DLEC1: variants seen among roughly 807,000 people sequenced by gnomAD.
DLEC1 encodes DLEC1 cilia and flagella associated protein.
A neutral mutation model predicts 198.1 loss-of-function variants in DLEC1; 146 were observed. That is an observed-to-expected ratio of 0.74 (90% CI 0.64 to 0.85). DLEC1 has a LOEUF of 0.85. DLEC1 is among the 40% of genes least tolerant of loss of function. DLEC1 has a pLI of 0.00. For synonymous variants in DLEC1, 897 were observed against 866.8 expected, an observed-to-expected ratio of 1.03 and a Z score of -0.61; for missense variants, 2,233 against 2,220.0, an observed-to-expected ratio of 1.01 and a Z score of -0.12.
intron 2 of DLEC1, among the ~76,000 whole-genome samples, chr3:38,050,993 C>A (rs1466517445): frequency 6.6e-6 from 1 of 151,828 alleles, no homozygotes; most frequent in African/African-American, 2.4e-5. Context: ...CTGCAACCTC[C>A]ACCTCCCAAG....
At chr3:38,083,325 A>G (rs1435091883) in intron 6 of DLEC1, among the ~76,000 whole-genome samples, 2 of 151,436 alleles carry the variant, frequency 1.3e-5, no homozygotes, top group Non-Finnish European at 2.9e-5. Flanking sequence ...TTGGGTGGGT[A>G]AAGGAAAATT....
rs377280950 is a variant in DLEC1 at position 38,068,933 on chromosome 3, A to T, written c.1173+5014A>T. ...CTAACCAGTAGTATGATATAACTAT[A>T]TTGGAAACATGGGGGATAGGAAGGG... is the stretch of plus-strand genomic sequence containing the variant. On this transcript the variant is annotated intron_variant, in intron 6 of 36. Coordinates refer to ENST00000308059, the MANE Select transcript of DLEC1 (RefSeq NM_007335.4). Among the ~76,000 whole-genome samples the T allele has an allele frequency of 3.9e-4, 59 of 152,346 alleles. 1 individual carries two copies. In the South Asian group the frequency reaches 0.011, roughly 28 times the overall value.
intron 7 of DLEC1, 91 bp from the exon 8 acceptor site, chr3:38,085,183 C>G (rs1369758073): frequency 2.1e-6 from 3 of 1,433,452 alleles, no homozygotes; most frequent in Non-Finnish European, 2.9e-6. Flanking sequence ...CAGAGCCAGC[C>G]CTGGCAGGGC....
Position 38,112,805 on chromosome 3 carries a change from C to CTG in DLEC1, c.3666+451_3666+452dup, listed in dbSNP as rs2125731599. ...GCACTCAGCATAAATGGAGTATCTA[C>CTG]TGTGTGTGGGTTCCTGTGTGGGCCG... On this transcript the variant is annotated intron_variant, in intron 25 of 36. Transcript: ENST00000308059. This position sits in a 1 kb window ranked among gnomAD's most constrained non-coding sequence, Gnocchi z 4.8. Among the ~76,000 whole-genome samples, 1 of 152,294 alleles carries CTG rather than the reference C, an allele frequency of 6.6e-6. No individual in the cohort carries two copies. Among genetic ancestry groups the CTG allele is most frequent in the African/African-American group, 2.4e-5 (1 of 41,566 alleles).
chr3:38,085,950 C>T (rs553398784), intron 8 of DLEC1, among the ~76,000 whole-genome samples: 1 of 152,328 alleles, frequency 6.6e-6, no homozygotes, highest in South Asian at 2.1e-4. Flanking sequence ...CCCCAAGGAC[C>T]ATGCTGGGTG....
Position 38,123,135 on chromosome 3 carries a change from AACTT to A in DLEC1, c.*725_*728del. The A allele has an allele frequency of 6.2e-7, 1 of 1,613,894 alleles. No individual in the cohort carries two copies. The highest frequency in any genetic ancestry group is 8.5e-7 in the Non-Finnish European group (1 of 1,179,948). On this transcript the variant is annotated 3_prime_UTR_variant, in exon 37 of 37. Transcript: ENST00000308059. ...CACTCCGTATGCCCTGTGAAAACAA[AACTT>A]AATTGGCTGGGCAAAGGCACCCACC...
rs1699884750 is a variant in DLEC1 at position 38,111,663 on chromosome 3, C to G, written c.3444-14C>G. 6.2e-7 allele frequency: 1 copy of G among 1,611,926 alleles called. No homozygotes were observed. The highest frequency in any genetic ancestry group is 8.5e-7 in the Non-Finnish European group (1 of 1,179,086). ...GTCTGACTTGATACTATTTCTGTGT[C>G]TCCACTTGTAAAGTCCCAACATGCC... On this transcript the variant is annotated splice_polypyrimidine_tract_variant and intron_variant, in intron 23 of 36. Coordinates refer to ENST00000308059, the MANE Select transcript of DLEC1 (RefSeq NM_007335.4).
At chr3:38,065,025 C>G (rs1370432595) in intron 6 of DLEC1, among the ~76,000 whole-genome samples, 1 of 152,206 alleles carries the variant, frequency 6.6e-6, no homozygotes, top group East Asian at 1.9e-4. Context: ...CGAGATCATG[C>G]CACTGCACTC....
Position 38,117,113 on chromosome 3 carries a change from G to C in DLEC1, c.4305+13G>C, listed in dbSNP as rs376700010. The C allele has an allele frequency of 1.9e-6, 3 of 1,613,812 alleles. No homozygotes were observed. The highest frequency in any genetic ancestry group is 2.5e-6 in the Non-Finnish European group (3 of 1,179,878). On this transcript the variant is annotated intron_variant, in intron 30 of 36. Transcript: ENST00000308059. The stretch of plus-strand genomic sequence containing the variant: ...CTTGGACAGCAAGGTGAGCTCTTCC[G>C]GCCTGGGGTGGGGGCCGCAGCCACT...
chr3:38,065,552 A>G (rs913171516), intron 6 of DLEC1, among the ~76,000 whole-genome samples: 9 of 152,186 alleles, frequency 5.9e-5, no homozygotes, highest in Non-Finnish European at 1.2e-4. Flanking sequence ...TACTCCTACA[A>G]CCTCTTCATG....
rs530961532 is a variant in DLEC1, at chr3:38,115,103, G to A, written c.3856+50G>A. The stretch of plus-strand genomic sequence containing the variant: ...GTGTTCTTGCCACAGGCTGTGCCTT[G>A]TGGTGAGCCAGGCTGGGAGGGAAGG... On this transcript the variant is annotated intron_variant, in intron 27 of 36. Coordinates refer to ENST00000308059, the MANE Select transcript of DLEC1 (RefSeq NM_007335.4). 26 of 1,605,926 alleles carry A rather than the reference G, an allele frequency of 1.6e-5. No homozygotes were observed. The East Asian group carries it at 5.6e-4, about 34-fold the overall frequency.
intron 12 of DLEC1, among the ~76,000 whole-genome samples, chr3:38,094,545 TA>T (rs1460391553): frequency 1.3e-5 from 2 of 152,154 alleles, no homozygotes; most frequent in Non-Finnish European, 2.9e-5. Flanking sequence ...TTCCCAATAT[TA>T]GGGGGTGATG....
chr3:38,091,755 T>G (rs1052065653), intron 10 of DLEC1, among the ~76,000 whole-genome samples: 1 of 151,936 alleles, frequency 6.6e-6, no homozygotes, highest in Admixed American at 6.6e-5. Context: ...ATGAAAACAT[T>G]CTCAACATCA....
chr3:38,107,811 T>C, intron 20 of DLEC1, 74 bp downstream of exon 20: 1 of 1,498,196 alleles, frequency 6.7e-7, no homozygotes, highest in Non-Finnish European at 9.1e-7. Flanking sequence ...GGGGGCATTG[T>C]CCCCCAAATA....
At chr3:38,097,333 T>C in intron 16 of DLEC1, 58 bp downstream of exon 16, 1 of 1,547,608 alleles carries the variant, frequency 6.5e-7, no homozygotes. Flanking sequence ...CAGGAAGAAA[T>C]CTTCAGAGTT....
chr3:38,109,389 A>C, intron 21 of DLEC1, 43 bp from the exon 22 acceptor site: 8 of 1,610,348 alleles, frequency 5.0e-6, no homozygotes, highest in Non-Finnish European at 6.8e-6. Flanking sequence ...TCATCTTCAG[A>C]GGCCCCAGGC....
chr3:38,086,218 C>T (rs1413887331), intron 8 of DLEC1, 23 bp from the exon 9 acceptor site: 2 of 1,593,996 alleles, frequency 1.3e-6, no homozygotes, highest in African/African-American at 2.7e-5. Context: ...GTTTCTCTTG[C>T]ACATGTTCTC....
chr3:38,069,924 A>G (rs1001434321), intron 6 of DLEC1, among the ~76,000 whole-genome samples: 10 of 152,178 alleles, frequency 6.6e-5, no homozygotes, highest in Non-Finnish European at 1.0e-4. Flanking sequence ...ATTTATGTCA[A>G]TTTTTATCTG....
chr3:38,115,151 T>C (rs530231874), intron 27 of DLEC1, 98 bp downstream of exon 27: 3 of 1,359,662 alleles, frequency 2.2e-6, no homozygotes, highest in East Asian at 4.7e-5. Context: ...CGATGGCCCA[T>C]GAACAGGACC....
Sources: allele counts gnomAD v4.1 joint callset (sites outside exome capture counted in the v4.1 genomes callset), GRCh38; gene constraint gnomAD v4.1.1; non-coding constraint Gnocchi (gnomAD v3.1); transcripts MANE v1.5; gene names NCBI Gene and HGNC (gene_info 2026-07-23, HGNC 2026-07-21).